The following FBXO17 variants were observed in gnomAD, a reference collection of about 807,000 sequenced individuals.
FBXO17 encodes the protein F-box protein 17.
A neutral mutation model predicts 34.1 loss-of-function variants in FBXO17; 43 were observed. The observed-to-expected ratio is 1.26, with a 90% CI of 0.99 to 1.62. The LOEUF (loss-of-function observed/expected upper bound fraction) is 1.62, where lower values mean the gene tolerates loss of function less well. FBXO17 is among the 40% of genes most tolerant of loss of function. The pLI is 0.00. For missense variants in FBXO17, 424 were observed against 386.7 expected (o/e 1.10, Z -0.81); for synonymous variants, 169 against 166.0 (o/e 1.02, Z -0.14).
intron 1 of FBXO17, among the ~76,000 whole-genome samples, chr19:38,953,415 C>A (rs1246345142): frequency 6.6e-6 from 1 of 152,108 alleles, no homozygotes; most frequent in African/African-American, 2.4e-5. Flanking sequence ...GTAATCCCAG[C>A]ACTTTGGGAG....
At chr19:38,955,879 G>A (rs1369572636) in intron 1 of FBXO17, among the ~76,000 whole-genome samples, 3 of 151,992 alleles carry the variant, frequency 2.0e-5, no homozygotes, top group South Asian at 4.2e-4. Flanking sequence ...GGCTGCTAAC[G>A]GTGCCTCCAT....
At chr19:38,946,705 G>C in intron 3 of FBXO17, 138 bp from the exon 4 acceptor site, 4 of 1,202,998 alleles carry the variant, frequency 3.3e-6, no homozygotes, top group Non-Finnish European at 4.6e-6. Flanking sequence ...CAGACCTGAA[G>C]ATGCATGATG....
intron 1 of FBXO17, among the ~76,000 whole-genome samples, chr19:38,970,070 C>T (rs1177406914): frequency 6.6e-6 from 1 of 151,618 alleles, no homozygotes; most frequent in Non-Finnish European, 1.5e-5. Flanking sequence ...ACAAATAAGT[C>T]ATTAATAAGA....
At position 38,975,387 on chromosome 19, in the gene FBXO17, G is replaced by T. The variant is rs962522606; in HGVS notation, c.-18+199C>A. On this transcript the variant is annotated intron_variant, in intron 1 of 5. Coordinates refer to ENST00000292852, the MANE Select transcript of FBXO17 (RefSeq NM_024907.7). This position sits in a 1 kb window ranked among gnomAD's most constrained non-coding sequence, Gnocchi z 4.9. ...ATTTAGGGCTTTCTAACGTGCATTT[G>T]TATAACTTTGGGTTTAAAGGAGCCT... 2.0e-5 allele frequency among the ~76,000 whole-genome samples: 3 copies of T among 152,208 alleles called. No individual in the cohort carries two copies. Among genetic ancestry groups the T allele is most frequent in the Non-Finnish European group, 4.4e-5 (3 of 68,038 alleles).
At chr19:38,970,651 A>G (rs1975379829) in intron 1 of FBXO17, among the ~76,000 whole-genome samples, 1 of 152,158 alleles carries the variant, frequency 6.6e-6, no homozygotes, top group Non-Finnish European at 1.5e-5. Flanking sequence ...AGCTGACTTG[A>G]GCTGTCATGA....
In FBXO17 at chr19:38,950,147, A is replaced by C. The variant is rs754853421; in HGVS notation, c.173T>G (p.Val58Gly). The C allele has an allele frequency of 3.2e-6, 5 of 1,563,068 alleles. No individual in the cohort carries two copies. The South Asian group carries it at 4.7e-5, about 15-fold the overall frequency. ...AWRDIVDGPT[V>G]WLLQLARDRS... is the part of the protein sequence containing the mutation. ...GTCGCGGGCCAGCTGCAGCAGCCAC[A>C]CAGTGGGCCCGTCCACTATGTCGCG... The change falls in exon 2 of 6, where the codon GTG becomes GGG. Residue 58 changes from valine (V) to glycine (G), a missense_variant. Val to Gly is a moderately radical substitution (Grantham distance 109). Coordinates refer to ENST00000292852, the MANE Select transcript of FBXO17 (RefSeq NM_024907.7).
intron 1 of FBXO17, among the ~76,000 whole-genome samples, chr19:38,964,507 G>A (rs1376983327): frequency 6.6e-6 from 1 of 152,048 alleles, no homozygotes; most frequent in Admixed American, 6.6e-5. Flanking sequence ...GGTGGCTTAT[G>A]CCTGTAATCC....
Position 38,950,126 on chromosome 19 carries a change from C to A in FBXO17, c.194G>T (p.Arg65Leu), listed in dbSNP as rs767690692. 1.9e-5 allele frequency: 30 copies of A among 1,560,674 alleles called. No homozygotes were observed. Among genetic ancestry groups the A allele is most frequent in the Non-Finnish European group, 2.4e-5 (28 of 1,156,850 alleles). The change falls in exon 2 of 6, where the codon CGC becomes CTC. Residue 65 changes from arginine to leucine, a missense_variant. Transcript: ENST00000292852. ...GPTVWLLQLARDRSAEGRALY... is the reference protein window; with the variant it reads ...GPTVWLLQLALDRSAEGRALY... ...TGCGCGGCCCTCGGCGCTGCGGTCG[C>A]GGGCCAGCTGCAGCAGCCACACAGT...
intron 1 of FBXO17, among the ~76,000 whole-genome samples, chr19:38,969,489 A>G (rs1441898703): frequency 6.6e-6 from 1 of 151,588 alleles, no homozygotes; most frequent in Non-Finnish European, 1.5e-5. Context: ...CAAACACAAA[A>G]CAGTGCAATG....
chr19:38,961,663 T>C (rs1319691834), intron 1 of FBXO17, among the ~76,000 whole-genome samples: 1 of 149,208 alleles, frequency 6.7e-6, no homozygotes, highest in Non-Finnish European at 1.5e-5. Context: ...TATTCTGTTT[T>C]GTTTTGTTTT....
In FBXO17 at chr19:38,941,523, A is replaced by G. The variant is rs1974885668; in HGVS notation, c.*1085T>C. ...TAAGCATTATTTCTATAGATTATAG[A>G]TTAACTAAAAACATTTCTTACAGGA... On this transcript the variant is annotated 3_prime_UTR_variant, in exon 6 of 6. Transcript: ENST00000292852. The G allele has an allele frequency of 2.0e-5, 3 of 152,372 alleles. No individual in the cohort carries two copies. The highest frequency in any genetic ancestry group is 4.8e-5 in the African/African-American group (2 of 41,580). 9.4% of individuals were successfully genotyped at this position (152,372 alleles called of 1,614,324 possible).
intron 1 of FBXO17, 95 bp from the exon 2 acceptor site, chr19:38,950,431 A>G: frequency 7.3e-7 from 1 of 1,368,774 alleles, no homozygotes; most frequent in Non-Finnish European, 9.4e-7. Flanking sequence ...GCTGCTCGAG[A>G]GACCCCATTA....
intron 1 of FBXO17, among the ~76,000 whole-genome samples, chr19:38,957,265 G>A (rs140743075): frequency 6.6e-6 from 1 of 152,294 alleles, no homozygotes; most frequent in Non-Finnish European, 1.5e-5. Context: ...AAGTCTACCA[G>A]TCTGCCTGGC....
At position 38,974,373 on chromosome 19, in the gene FBXO17, C is replaced by T. The variant is rs563855353; in HGVS notation, c.-18+1213G>A. ...GATTACAAGCGTGAGCCACCGCGCA[C>T]GCCCGGCCTAAAAATATATTTTTTA... On this transcript the variant is annotated intron_variant, in intron 1 of 5. Coordinates refer to ENST00000292852, the MANE Select transcript of FBXO17 (RefSeq NM_024907.7). 2.7e-3 allele frequency among the ~76,000 whole-genome samples: 413 copies of T among 152,130 alleles called. 4 individuals are homozygous for T. Among genetic ancestry groups the T allele is most frequent in the African/African-American group, 9.6e-3 (398 of 41,514 alleles).
chr19:38,974,521 C>T (rs7253187), intron 1 of FBXO17, among the ~76,000 whole-genome samples: 47,227 of 151,802 alleles, frequency 0.31, 8,094 homozygotes, highest in East Asian at 0.48. Context: ...AATAGAGAAG[C>T]CGAAAGTAAT....
intron 1 of FBXO17, among the ~76,000 whole-genome samples, chr19:38,957,626 G>A (rs1004784696): frequency 1.3e-5 from 2 of 152,148 alleles, no homozygotes; most frequent in Admixed American, 6.6e-5. Flanking sequence ...TTACAGACTT[G>A]AGCCACTGCG....
chr19:38,964,992 T>C (rs1975301135), intron 1 of FBXO17, among the ~76,000 whole-genome samples: 1 of 152,060 alleles, frequency 6.6e-6, no homozygotes, highest in African/African-American at 2.4e-5. Context: ...ACTGTATTTA[T>C]AACAGCCCCA....
chr19:38,962,611 C>A (rs1311527888), intron 1 of FBXO17, among the ~76,000 whole-genome samples: 2 of 152,192 alleles, frequency 1.3e-5, no homozygotes, highest in Non-Finnish European at 2.9e-5. Flanking sequence ...ACTACTCCAG[C>A]AAGGTCGGGG....
chr19:38,958,075 C>T (rs1975192569), intron 1 of FBXO17, among the ~76,000 whole-genome samples: 1 of 146,256 alleles, frequency 6.8e-6, no homozygotes, highest in South Asian at 2.2e-4. Context: ...CACTGTATTC[C>T]AGCCCAGGCA....
Sources: allele counts gnomAD v4.1 joint callset (sites outside exome capture counted in the v4.1 genomes callset), GRCh38; gene constraint gnomAD v4.1.1; non-coding constraint Gnocchi (gnomAD v3.1); transcripts MANE v1.5; gene names NCBI Gene and HGNC (gene_info 2026-07-23, HGNC 2026-07-21).